RFX8: variants seen among roughly 807,000 people sequenced by gnomAD.
The protein encoded by RFX8 is DNA-binding protein RFX8.
In RFX8, 46 loss-of-function variants were observed where a neutral mutation model predicts 54.6. That is an observed-to-expected ratio of 0.84 (90% confidence interval 0.67 to 1.08). The LOEUF is 1.08. RFX8 is among the 50% of genes least tolerant of loss of function. The pLI, the probability that RFX8 is intolerant of heterozygous loss-of-function variation, is 0.00. For missense variants in RFX8, 536 were observed against 562.3 expected, an observed-to-expected ratio of 0.95 and a Z score of 0.47; for synonymous variants, 192 against 209.5, an observed-to-expected ratio of 0.92 and a Z score of 0.72.
chr2:101,416,103 G>A (rs1374443809), intron 6 of RFX8, among the ~76,000 whole-genome samples: 2 of 152,124 alleles, frequency 1.3e-5, no homozygotes, highest in Non-Finnish European at 2.9e-5. Context: ...GGAGGAGAGT[G>A]GGCCATCTGG....
At chr2:101,424,144 G>C (rs1419225451) in intron 2 of RFX8, among the ~76,000 whole-genome samples, 1 of 152,154 alleles carries the variant, frequency 6.6e-6, no homozygotes, top group Non-Finnish European at 1.5e-5. Flanking sequence ...CAGCTCAAAG[G>C]GGTCTCTCTA....
chr2:101,456,811 G>A (rs1688994901), intron 2 of RFX8, among the ~76,000 whole-genome samples: 4 of 152,072 alleles, frequency 2.6e-5, no homozygotes, highest in Non-Finnish European at 5.9e-5. Context: ...TTGTACCTCT[G>A]GTAGAATTTG....
chr2:101,439,216 T>C (rs968153251), intron 2 of RFX8, among the ~76,000 whole-genome samples: 4 of 152,186 alleles, frequency 2.6e-5, no homozygotes, highest in African/African-American at 9.7e-5. Flanking sequence ...CTTTTGCCCA[T>C]TTTCTAATTG....
At chr2:101,461,070 C>A (rs1294318180) in intron 2 of RFX8, among the ~76,000 whole-genome samples, 1 of 151,070 alleles carries the variant, frequency 6.6e-6, no homozygotes, top group Non-Finnish European at 1.5e-5. Flanking sequence ...AGATCGAGAC[C>A]ATCCTGGTTA....
intron 4 of RFX8, 117 bp from the exon 5 acceptor site, chr2:101,419,081 C>A: frequency 1.6e-6 from 1 of 617,156 alleles, no homozygotes; most frequent in Non-Finnish European, 2.9e-6. Context: ...TGTTCCAGTG[C>A]GTGTAAAGCT....
intron 7 of RFX8, among the ~76,000 whole-genome samples, chr2:101,413,421 G>C (rs1428859521): frequency 1.3e-5 from 2 of 152,154 alleles, no homozygotes; most frequent in African/African-American, 2.4e-5. Context: ...AGCCTGCACC[G>C]ATCCTGAGGG....
intron 9 of RFX8, among the ~76,000 whole-genome samples, chr2:101,409,150 C>T (rs1232107358): frequency 1.3e-5 from 2 of 152,228 alleles, no homozygotes; most frequent in African/African-American, 2.4e-5. Flanking sequence ...ACAACCACTT[C>T]AGCCTTGGCA....
At chr2:101,409,686 G>A (rs893183696) in intron 9 of RFX8, among the ~76,000 whole-genome samples, 39 of 152,312 alleles carry the variant, frequency 2.6e-4, no homozygotes, top group African/African-American at 8.7e-4. Flanking sequence ...TTTTAGGAGA[G>A]ACAGGGTTTC....
intron 6 of RFX8, among the ~76,000 whole-genome samples, chr2:101,416,097 G>A (rs1478083372): frequency 6.6e-6 from 1 of 152,136 alleles, no homozygotes; most frequent in Non-Finnish European, 1.5e-5. Context: ...AGCAGTGGAG[G>A]AGAGTGGGCC....
At chr2:101,466,641 C>G (rs1689588628) in intron 2 of RFX8, 136 bp downstream of exon 2, 1 of 713,208 alleles carries the variant, frequency 1.4e-6, no homozygotes, top group Admixed American at 2.2e-5. Context: ...AGGATGTTGA[C>G]CAGCTGGTGG....
intron 2 of RFX8, among the ~76,000 whole-genome samples, chr2:101,456,349 T>C (rs893032359): frequency 2.0e-5 from 3 of 152,336 alleles, no homozygotes; most frequent in African/African-American, 7.2e-5. Flanking sequence ...GGCTGTGGAT[T>C]TGTCATAAAT....
chr2:101,471,118 G>C (rs2149002046), intron 1 of RFX8, among the ~76,000 whole-genome samples: 1 of 152,076 alleles, frequency 6.6e-6, no homozygotes, highest in Middle Eastern at 3.4e-3. Flanking sequence ...CAGATCACCT[G>C]AGGTCAGGAG....
chr2:101,436,784 G>A (rs1169680992), intron 2 of RFX8, among the ~76,000 whole-genome samples: 1 of 152,180 alleles, frequency 6.6e-6, no homozygotes, highest in African/African-American at 2.4e-5. Flanking sequence ...CTCCAGGGGG[G>A]CAGCGCTCTG....
chr2:101,460,197 T>C (rs1689190435), intron 2 of RFX8, among the ~76,000 whole-genome samples: 1 of 135,872 alleles, frequency 7.4e-6, no homozygotes, highest in South Asian at 2.5e-4. Flanking sequence ...ATCTTGAGCT[T>C]CCTGGTGAGG....
chr2:101,431,850 G>A (rs1195082332), intron 2 of RFX8, among the ~76,000 whole-genome samples: 1 of 152,106 alleles, frequency 6.6e-6, no homozygotes, highest in African/African-American at 2.4e-5. Context: ...AGGGAAGCCT[G>A]AAGGGACGTG....
chr2:101,397,797 T>TG, intron 11 of RFX8, 73 bp from the exon 12 acceptor site: 1 of 1,290,444 alleles, frequency 7.7e-7, no homozygotes, highest in African/African-American at 1.5e-5. Context: ...GGAACTACCA[T>TG]TTGAATTCTT....
intron 1 of RFX8, among the ~76,000 whole-genome samples, chr2:101,470,471 CT>C (rs2149000985): frequency 6.6e-6 from 1 of 152,182 alleles, no homozygotes; most frequent in South Asian, 2.1e-4. Context: ...CCAAAATGTC[CT>C]TTGGTGATAC....
chr2:101,415,657 C>T (rs566496430), intron 6 of RFX8, among the ~76,000 whole-genome samples: 1 of 152,220 alleles, frequency 6.6e-6, no homozygotes, highest in Non-Finnish European at 1.5e-5. Flanking sequence ...GGAGAACACT[C>T]GTGCAGTGTT....
At chr2:101,422,920 A>G (rs1192590997) in intron 2 of RFX8, among the ~76,000 whole-genome samples, 1 of 152,208 alleles carries the variant, frequency 6.6e-6, no homozygotes, top group Non-Finnish European at 1.5e-5. Flanking sequence ...TCTCAGGGCC[A>G]TTGCCAACAA....
Sources: gnomAD v4.1 joint callset for allele counts (sites outside exome capture counted in the v4.1 genomes callset) on GRCh38, gnomAD v4.1.1 for gene constraint, MANE v1.5 for transcripts, NCBI Gene and HGNC (gene_info 2026-07-23, HGNC 2026-07-21) for gene names.